The following CALCR variants were observed in gnomAD, a reference collection of about 807,000 sequenced individuals.
CALCR encodes calcitonin receptor.
CALCR carries 47 observed loss-of-function variants against 59.5 expected under a neutral mutation model. The ratio of observed to expected loss-of-function variants is 0.79; its 90% CI spans 0.63 to 1.01. The LOEUF is 1.01. Among genes scored for constraint, CALCR ranks in the 50% least tolerant of loss-of-function variants. CALCR has a pLI of 0.00. For missense variants in CALCR, 566 were observed against 597.1 expected, an observed-to-expected ratio of 0.95 and a Z score of 0.54; for synonymous variants, 213 against 211.3, an observed-to-expected ratio of 1.01 and a Z score of -0.07.
intron 6 of CALCR, 108 bp downstream of exon 6, chr7:93,472,267 A>G: frequency 1.5e-6 from 1 of 664,402 alleles, no homozygotes; most frequent in Non-Finnish European, 2.7e-6. Context: ...ATTTCTTTCC[A>G]CAAAACCTGT....
At chr7:93,482,990 T>C (rs1328389164) in intron 3 of CALCR, 7 of 439,580 alleles carry the variant, frequency 1.6e-5, no homozygotes, top group African/African-American at 8.2e-5. Context: ...TAAAATAACA[T>C]ACCCATTGGG....
intron 2 of CALCR, among the ~76,000 whole-genome samples, chr7:93,538,456 T>G (rs1330678790): frequency 2.0e-5 from 3 of 152,012 alleles, no homozygotes; most frequent in African/African-American, 7.2e-5. Context: ...TTTTTGGAAT[T>G]ATCATCTTTT....
At chr7:93,540,789 GTAT>G (rs780409717) in intron 2 of CALCR, among the ~76,000 whole-genome samples, 56,535 of 147,368 alleles carry the variant, frequency 0.38, 12,006 homozygotes, top group Non-Finnish European at 0.47. Context: ...TATTTTATAT[GTAT>G]AAAAAGTTAT....
Position 93,437,924 on chromosome 7 carries a change from C to CT in CALCR, c.930+135dup, listed in dbSNP as rs143554980. On this transcript the variant is annotated intron_variant, in intron 11 of 13. Transcript: ENST00000426151. ...TTTTGAAGAGTCTAAAATCAAATTG[C>CT]TTTTTTTTACTACAGAATACCATCA... The CT allele has an allele frequency of 1.4e-3, 1,165 of 844,364 alleles. 7 individuals carry two copies. The highest frequency in any genetic ancestry group is 0.01 in the African/African-American group (596 of 57,768). 52.3% of individuals were successfully genotyped at this position (844,364 alleles called of 1,614,324 possible).
At chr7:93,440,575 A>ATGTAGTCTTAGCTTTGGCATG (rs1799880425) in intron 9 of CALCR, among the ~76,000 whole-genome samples, 1 of 151,818 alleles carries the variant, frequency 6.6e-6, no homozygotes, top group Non-Finnish European at 1.5e-5. Context: ...ATGTAGAAAG[A>ATGTAGTCTTAGCTTTGGCATG]TAGTCTTAGC....
Position 93,557,779 on chromosome 7 carries a change from G to A in CALCR, c.-27+16510C>T, listed in dbSNP as rs144753001. Among the ~76,000 whole-genome samples the A allele has an allele frequency of 7.9e-3, 1,207 of 151,862 alleles. 21 individuals are homozygous for A. The highest frequency in any genetic ancestry group is 0.028 in the African/African-American group (1,152 of 41,488). On this transcript the variant is annotated intron_variant, in intron 2 of 13. Coordinates refer to ENST00000426151, the MANE Select transcript of CALCR (RefSeq NM_001742.4). ...TCTGCTTTGAATTTTCTGTCATTTT[G>A]CCACTGATTTAAAATGCCAATGTTA...
At chr7:93,485,950 A>T (rs946996535) in intron 3 of CALCR, among the ~76,000 whole-genome samples, 12 of 151,686 alleles carry the variant, frequency 7.9e-5, no homozygotes, top group Admixed American at 3.3e-4. Flanking sequence ...CTTACAAATT[A>T]AATTAACATT....
chr7:93,443,464 TCCTG>T, intron 9 of CALCR, 136 bp downstream of exon 9: 2 of 734,432 alleles, frequency 2.7e-6, no homozygotes, highest in Non-Finnish European at 2.2e-6. Flanking sequence ...GAGACTGAAC[TCCTG>T]CCAGTACCTG....
intron 3 of CALCR, among the ~76,000 whole-genome samples, chr7:93,483,215 T>G (rs1289699509): frequency 6.6e-6 from 1 of 151,778 alleles, no homozygotes; most frequent in Non-Finnish European, 1.5e-5. Flanking sequence ...CTGTATTATT[T>G]AAATCATCCC....
rs1422637679 is a variant in CALCR at position 93,547,831 on chromosome 7, C to G, written c.-27+26458G>C. On this transcript the variant is annotated intron_variant, in intron 2 of 13. Coordinates refer to ENST00000426151, the MANE Select transcript of CALCR (RefSeq NM_001742.4). ...TCTGTATCATGGACTTTCAGCTGTGCCATCTCATCAAAGGCCTCAGAACAT... is the reference window on the plus strand; with the variant it reads ...TCTGTATCATGGACTTTCAGCTGTGGCATCTCATCAAAGGCCTCAGAACAT... Among the ~76,000 whole-genome samples, 6 of 152,250 alleles carry G rather than the reference C, an allele frequency of 3.9e-5. No individual in the cohort carries two copies. In the East Asian group the frequency reaches 1.2e-3, roughly 29 times the overall value.
chr7:93,498,948 T>C (rs1170594764), intron 2 of CALCR, among the ~76,000 whole-genome samples: 2 of 151,374 alleles, frequency 1.3e-5, no homozygotes, highest in East Asian at 3.9e-4. Context: ...GAAAAAAAAA[T>C]AGTGGGCAAA....
intron 7 of CALCR, among the ~76,000 whole-genome samples, chr7:93,463,931 T>G (rs1023692888): frequency 1.3e-5 from 2 of 151,984 alleles, no homozygotes; most frequent in Admixed American, 1.3e-4. Context: ...ATAAGTACCA[T>G]AAATTCTCCA....
At chr7:93,477,144 C>T (rs1231736551) in intron 5 of CALCR, among the ~76,000 whole-genome samples, 1 of 151,880 alleles carries the variant, frequency 6.6e-6, no homozygotes, top group Non-Finnish European at 1.5e-5. Context: ...CTCTTGGGAA[C>T]AAATTTCACC....
rs542133022 is a variant in CALCR, at chr7:93,489,506, G to T, written c.-26-2499C>A. Among the ~76,000 whole-genome samples the T allele has an allele frequency of 1.9e-3, 290 of 151,484 alleles. 2 individuals are homozygous for T. Among genetic ancestry groups the T allele is most frequent in the African/African-American group, 6.7e-3 (279 of 41,370 alleles). ...GTTTTTTAAAAAAATTTAAAAAATA[G>T]ATAAGCCACTAGCTAGACTAATAAA... is the stretch of plus-strand genomic sequence containing the variant. On this transcript the variant is annotated intron_variant, in intron 2 of 13. Transcript: ENST00000426151.
intron 2 of CALCR, among the ~76,000 whole-genome samples, chr7:93,569,962 A>C (rs1789964708): frequency 6.6e-6 from 1 of 151,668 alleles, no homozygotes; most frequent in Admixed American, 6.6e-5. Context: ...ACACACACAC[A>C]CACACACTTC....
At chr7:93,511,929 G>A (rs1474940757) in intron 2 of CALCR, among the ~76,000 whole-genome samples, 1 of 152,144 alleles carries the variant, frequency 6.6e-6, no homozygotes, top group East Asian at 1.9e-4. Flanking sequence ...TGCGCTATGG[G>A]CATATAAGTA....
chr7:93,541,237 G>A (rs1237963390), intron 2 of CALCR, among the ~76,000 whole-genome samples: 15 of 152,204 alleles, frequency 9.9e-5, no homozygotes, highest in Middle Eastern at 3.4e-3. Context: ...GCAGTGGCAC[G>A]ATTTCGGCTC....
chr7:93,435,970 G>A lies in CALCR; in HGVS notation c.1131C>T (p.His377=). 6.2e-7 allele frequency: 1 copy of A among 1,607,976 alleles called. No individual in the cohort carries two copies. Among genetic ancestry groups the A allele is most frequent in the Non-Finnish European group, 8.5e-7 (1 of 1,174,424 alleles). The part of the protein sequence containing the change: ...MLGKIYDYVM[H]SLIHFQGFFV... ...TCCTTACCTGGAAATGAATCAGAGA[G>A]TGCATCACGTAATCATATATCTTCC... The change falls in exon 12 of 14, where the codon CAC becomes CAT. Residue 377 remains histidine (H), a synonymous_variant. Coordinates refer to ENST00000426151, the MANE Select transcript of CALCR (RefSeq NM_001742.4).
At chr7:93,460,502 G>C (rs1176459897) in intron 8 of CALCR, among the ~76,000 whole-genome samples, 2 of 144,566 alleles carry the variant, frequency 1.4e-5, no homozygotes. Flanking sequence ...GTTGCAGTGA[G>C]CTGAGATCCC....
Sources: allele counts gnomAD v4.1 joint callset (sites outside exome capture counted in the v4.1 genomes callset), GRCh38; gene constraint gnomAD v4.1.1; transcripts MANE v1.5; gene names NCBI Gene and HGNC (gene_info 2026-07-23, HGNC 2026-07-21).